GSE1: variants seen among roughly 807,000 people sequenced by gnomAD.
The protein encoded by GSE1 is genetic suppressor element 1.
Under a neutral mutation model 112.6 loss-of-function variants are expected in GSE1, and 32 were observed. The ratio of observed to expected loss-of-function variants is 0.28; its 90% CI spans 0.21 to 0.38. The LOEUF is 0.38. Ranked by LOEUF, GSE1 falls within the 10% of genes least tolerant of loss-of-function variation. The pLI is 1.00. For synonymous variants in GSE1, 1,115 were observed against 735.6 expected (o/e 1.52, Z -8.35); for missense variants, 2,348 against 1,699.2 (o/e 1.38, Z -6.71).
chr16:85,488,494 T>C (rs2050910809), intron 2 of GSE1, among the ~76,000 whole-genome samples: 1 of 151,908 alleles, frequency 6.6e-6, no homozygotes, highest in Non-Finnish European at 1.5e-5. Flanking sequence ...CTTATTCCTC[T>C]CTCAGCAGGT....
At chr16:85,554,921 C>T (rs2045123137), upstream of GSE1, 1 of 985,400 alleles carries the variant, frequency 1.0e-6, no homozygotes, top group Non-Finnish European at 1.2e-6. Flanking sequence ...AGCACCCTGC[C>T]TTCGGCAGCG....
chr16:85,214,687 T>G (rs1049795914), intron 1 of GSE1, among the ~76,000 whole-genome samples: 1 of 152,188 alleles, frequency 6.6e-6, no homozygotes, highest in Non-Finnish European at 1.5e-5. Flanking sequence ...CTGGCCTCTG[T>G]GGCCCCGCCC....
At chr16:85,447,813 C>T (rs753156059) in intron 2 of GSE1, among the ~76,000 whole-genome samples, 6 of 152,228 alleles carry the variant, frequency 3.9e-5, no homozygotes, top group Non-Finnish European at 7.3e-5. Flanking sequence ...CCTGAGGTGC[C>T]TTTCACACAG....
At chr16:85,459,986 G>C (rs1000449751) in intron 2 of GSE1, among the ~76,000 whole-genome samples, 2 of 152,228 alleles carry the variant, frequency 1.3e-5, no homozygotes, top group African/African-American at 4.8e-5. Context: ...CCAGAAAGCA[G>C]ACCCTGTTCC....
At chr16:85,449,937 C>T (rs557638622) in intron 2 of GSE1, among the ~76,000 whole-genome samples, 1 of 152,294 alleles carries the variant, frequency 6.6e-6, no homozygotes, top group African/African-American at 2.4e-5. Flanking sequence ...CCACACCATG[C>T]CCACCAGGGC....
chr16:85,590,880 G>GCTAGC (rs1320446602), intron 1 of GSE1, among the ~76,000 whole-genome samples: 1 of 152,162 alleles, frequency 6.6e-6, no homozygotes, highest in Admixed American at 6.5e-5. Flanking sequence ...TTTCCCCAGG[G>GCTAGC]CTAGCCGAGA....
intron 6 of GSE1, 146 bp downstream of exon 6, chr16:85,656,063 G>A (rs551577991): frequency 3.4e-4 from 243 of 710,238 alleles, no homozygotes; most frequent in Admixed American, 3.4e-3. Flanking sequence ...GACAATGATC[G>A]TTCAGGCTCT....
At chr16:85,490,370 T>C (rs1316163797) in intron 2 of GSE1, 1 of 152,194 alleles carries the variant, frequency 6.6e-6, no homozygotes, top group East Asian at 1.9e-4. Context: ...GGCCTTCGTC[T>C]CCTCATGTGT....
At chr16:85,379,128 C>G (rs1048929935) in intron 2 of GSE1, among the ~76,000 whole-genome samples, 6 of 152,216 alleles carry the variant, frequency 3.9e-5, no homozygotes, top group African/African-American at 1.4e-4. Context: ...CTGCTATCTC[C>G]CTGGACTTCC....
chr16:85,383,507 A>G (rs1313392924), intron 2 of GSE1, among the ~76,000 whole-genome samples: 1 of 151,102 alleles, frequency 6.6e-6, no homozygotes, highest in African/African-American at 2.4e-5. Context: ...GCACACACAC[A>G]CACACACACG....
chr16:85,456,879 G>T (rs113567226), intron 2 of GSE1, among the ~76,000 whole-genome samples: 1 of 152,028 alleles, frequency 6.6e-6, no homozygotes, highest in East Asian at 1.9e-4. Context: ...GAGAGACACC[G>T]GCAGGCTGTG....
intron 2 of GSE1, among the ~76,000 whole-genome samples, chr16:85,640,212 C>T (rs374199872): frequency 3.3e-5 from 5 of 152,118 alleles, no homozygotes; most frequent in South Asian, 4.1e-4. Context: ...GTCACCAGCC[C>T]GGTGGCCGGG....
chr16:85,496,495 C>T (rs1016996735), intron 2 of GSE1, among the ~76,000 whole-genome samples: 3 of 152,230 alleles, frequency 2.0e-5, no homozygotes, highest in Non-Finnish European at 2.9e-5. Flanking sequence ...GCGGGCAGCC[C>T]GGGTGGCCTC....
intron 2 of GSE1, among the ~76,000 whole-genome samples, chr16:85,525,158 C>A (rs573248375): frequency 4.6e-5 from 7 of 152,168 alleles, no homozygotes; most frequent in Admixed American, 1.3e-4. Flanking sequence ...GGGTAACTGG[C>A]CCCTGGCCGG....
chr16:85,666,804 G>A (rs2052899667), intron 13 of GSE1, among the ~76,000 whole-genome samples: 1 of 152,250 alleles, frequency 6.6e-6, no homozygotes, highest in Admixed American at 6.5e-5. Flanking sequence ...ATCTAAAGAT[G>A]TCACCACCAG....
intron 14 of GSE1, 65 bp from the exon 15 acceptor site, chr16:85,670,930 G>A (rs977487584): frequency 1.0e-6 from 1 of 983,764 alleles, no homozygotes; most frequent in Admixed American, 1.7e-5. Context: ...GTGAAGAGGA[G>A]AGCACAAAGC....
chr16:85,496,574 G>A (rs1201361894), intron 2 of GSE1, among the ~76,000 whole-genome samples: 3 of 152,260 alleles, frequency 2.0e-5, no homozygotes, highest in Non-Finnish European at 4.4e-5. Context: ...CCCACCGCTG[G>A]CAGCTTTTGC....
chr16:85,564,265 A>G (rs1366695106), intron 1 of GSE1, among the ~76,000 whole-genome samples: 1 of 152,134 alleles, frequency 6.6e-6, no homozygotes, highest in Non-Finnish European at 1.5e-5. Context: ...GAAGGAGGCT[A>G]ACACAGTGAG....
intron 2 of GSE1, among the ~76,000 whole-genome samples, chr16:85,360,381 T>A (rs1184860742): frequency 6.6e-6 from 1 of 151,364 alleles, no homozygotes; most frequent in African/African-American, 2.4e-5. Flanking sequence ...TGGGGGCAGG[T>A]GGGGCAGGGC....
Sources: gnomAD v4.1 joint callset for allele counts (sites outside exome capture counted in the v4.1 genomes callset) on GRCh38, gnomAD v4.1.1 for gene constraint, MANE v1.5 for transcripts, NCBI Gene and HGNC (gene_info 2026-07-23, HGNC 2026-07-21) for gene names.